GABRR2: variants seen among roughly 807,000 people sequenced by gnomAD.
GABRR2 encodes gamma-aminobutyric acid type A receptor subunit rho2, also known as gamma-aminobutyric acid receptor subunit rho-2.
Under a neutral mutation model 47.0 loss-of-function variants are expected in GABRR2, and 36 were observed. The ratio of observed to expected loss-of-function variants is 0.77; its 90% CI spans 0.59 to 1.01. The LOEUF (loss-of-function observed/expected upper bound fraction) is 1.01. Ranked by LOEUF, GABRR2 falls within the 50% of genes least tolerant of loss-of-function variation. GABRR2 has a pLI of 0.00. For missense variants in GABRR2, 587 were observed against 594.6 expected, an observed-to-expected ratio of 0.99 and a Z score of 0.13; for synonymous variants, 204 against 227.5, an observed-to-expected ratio of 0.90 and a Z score of 0.93.
At chr6:89,301,831 G>C in intron 1 of GABRR2, 1 of 1,040,636 alleles carries the variant, frequency 9.6e-7, no homozygotes, top group Non-Finnish European at 1.5e-6. Flanking sequence ...CAACTAGATC[G>C]GGGCCAAGTT....
chr6:89,268,810 C>T (rs1773974163), intron 4 of GABRR2, among the ~76,000 whole-genome samples: 1 of 152,154 alleles, frequency 6.6e-6, no homozygotes, highest in South Asian at 2.1e-4. Context: ...CTCACCCAAG[C>T]TTAAGACCCC....
chr6:89,258,206 T>C (rs1249393490), intron 8 of GABRR2, among the ~76,000 whole-genome samples: 1 of 152,200 alleles, frequency 6.6e-6, no homozygotes, highest in Non-Finnish European at 1.5e-5. Flanking sequence ...TTTAGAGCAA[T>C]TAATTTAAAA....
rs1767738943 is a variant in GABRR2 at position 89,315,054 on chromosome 6, T to C, written c.112A>G (p.Ser38Gly). Residue 38 changes from serine to glycine, a missense_variant and splice_region_variant, in exon 1 of 9, where the codon AGT becomes GGT. By Grantham distance (56) the Ser-to-Gly change is moderately conservative. Transcript: ENST00000402938. ...WTGQVEMPKPSHLYKKNLDVT... is the reference protein window; with the variant it reads ...WTGQVEMPKPGHLYKKNLDVT... ...CTCCTTTCCCACCTATGACTTTACC[T>C]TGGCTTGGGCATTTCCACCTGCCCT... The C allele has an allele frequency of 6.2e-7, 1 of 1,612,798 alleles. No homozygotes were observed. Among genetic ancestry groups the C allele is most frequent in the Non-Finnish European group, 8.5e-7 (1 of 1,179,216 alleles).
chr6:89,265,630 G>A lies in GABRR2; in HGVS notation c.872C>T (p.Pro291Leu). 6.2e-7 allele frequency: 1 copy of A among 1,613,884 alleles called. No homozygotes were observed. The highest frequency in any genetic ancestry group is 8.5e-7 in the Non-Finnish European group (1 of 1,179,922). Residue 291 changes from proline to leucine, a missense_variant, in exon 7 of 9, where the codon CCT becomes CTT. By Grantham distance (98) the Pro-to-Leu change is moderately conservative. Transcript: ENST00000402938. ...GCTTTTACCCAGTGAAACTCTGGCA[G>A]GCACAGCTCTGCGGTCGATCCAGAA... ...VSFWIDRRAV[P>L]ARVSLGITTV...
intron 1 of GABRR2, chr6:89,302,879 G>C: frequency 8.1e-7 from 1 of 1,227,290 alleles, no homozygotes; most frequent in South Asian, 1.2e-5. Context: ...GCAACAGCAC[G>C]GGCATCCAGG....
chr6:89,303,105 C>T (rs1767485526), intron 1 of GABRR2: 2 of 649,684 alleles, frequency 3.1e-6, no homozygotes, highest in South Asian at 3.0e-5. Flanking sequence ...AGGCCCAGGG[C>T]CCCAAGTGAA....
At chr6:89,285,693 C>T (rs1412610233) in intron 2 of GABRR2, among the ~76,000 whole-genome samples, 1 of 152,072 alleles carries the variant, frequency 6.6e-6, no homozygotes, top group Admixed American at 6.6e-5. Context: ...CCTGGATTAC[C>T]GACCTTGAAG....
At chr6:89,273,803 G>GT (rs1011667933) in intron 2 of GABRR2, among the ~76,000 whole-genome samples, 1 of 152,200 alleles carries the variant, frequency 6.6e-6, no homozygotes, top group African/African-American at 2.4e-5. Context: ...ATGGCCCAGA[G>GT]TGGCACTTTA....
At chr6:89,270,262 G>A (rs1212046431) in intron 3 of GABRR2, 1 of 152,296 alleles carries the variant, frequency 6.6e-6, no homozygotes, top group Non-Finnish European at 1.5e-5. Flanking sequence ...ATTGCCCAGG[G>A]GAAGTGCAGA....
chr6:89,279,358 A>T (rs1774219318), intron 2 of GABRR2, among the ~76,000 whole-genome samples: 1 of 152,006 alleles, frequency 6.6e-6, no homozygotes, highest in African/African-American at 2.4e-5. Flanking sequence ...AACTGCATAT[A>T]AAAAAAGTGT....
chr6:89,297,163 A>T (rs1774570594), intron 2 of GABRR2, among the ~76,000 whole-genome samples: 2 of 152,254 alleles, frequency 1.3e-5, no homozygotes. Flanking sequence ...ATAAAAAAAT[A>T]TCAAAAAGCA....
chr6:89,260,660 G>C (rs564822653), intron 8 of GABRR2, among the ~76,000 whole-genome samples: 1 of 152,132 alleles, frequency 6.6e-6, no homozygotes, highest in Non-Finnish European at 1.5e-5. Flanking sequence ...AATCACCTGG[G>C]AACTTGCTTA....
At chr6:89,284,178 C>T (rs1001872370) in intron 2 of GABRR2, among the ~76,000 whole-genome samples, 3 of 152,050 alleles carry the variant, frequency 2.0e-5, no homozygotes, top group Admixed American at 2.0e-4. Context: ...ACCAAGGGTA[C>T]CTTGGGAGGG....
intron 2 of GABRR2, among the ~76,000 whole-genome samples, chr6:89,294,154 C>CATT (rs1554198213): frequency 2.0e-5 from 3 of 151,734 alleles, no homozygotes; most frequent in Admixed American, 6.6e-5. Flanking sequence ...GATAATTTTT[C>CATT]GTTGTTTTTG....
chr6:89,292,346 TTATATATA>T (rs57703020), intron 2 of GABRR2, among the ~76,000 whole-genome samples: 2,243 of 13,826 alleles, frequency 0.16, 369 homozygotes, highest in East Asian at 0.26. Context: ...AAAAAAAATT[TTATATATA>T]TATATATATA....
Position 89,265,752 on chromosome 6 carries a change from A to T in GABRR2, c.750T>A (p.Arg250=). 1.2e-6 allele frequency: 2 copies of T among 1,614,050 alleles called. No homozygotes were observed. Among genetic ancestry groups the T allele is most frequent in the Non-Finnish European group, 1.7e-6 (2 of 1,179,972 alleles). ...AFYSSTGWYN[R]LYINFTLRRH... is the part of the protein sequence containing the mutation. ...GACGCAACGTGAAGTTAATGTACAG[A>T]CGGTTGTACCAGCCTAGGGGATGCA... Residue 250 remains arginine, a synonymous_variant, in exon 7 of 9, where the codon CGT becomes CGA. Transcript: ENST00000402938.
intron 2 of GABRR2, among the ~76,000 whole-genome samples, chr6:89,286,961 T>C (rs1774343529): frequency 6.6e-6 from 1 of 151,740 alleles, no homozygotes; most frequent in Non-Finnish European, 1.5e-5. Flanking sequence ...CCATCCCATT[T>C]CTCCTAAAAT....
intron 2 of GABRR2, among the ~76,000 whole-genome samples, chr6:89,291,022 C>T (rs1433911229): frequency 6.6e-6 from 1 of 152,162 alleles, no homozygotes; most frequent in African/African-American, 2.4e-5. Flanking sequence ...CTTCAATGAC[C>T]CCTTGGAGCA....
Position 89,254,822 on chromosome 6 carries a change from T to C in GABRR2, c.*2848A>G, listed in dbSNP as rs1773568808. On this transcript the variant is annotated 3_prime_UTR_variant, in exon 9 of 9. Transcript: ENST00000402938. Reference sequence around the variant, plus strand: ...CTTTTCTCAAGTAGTGTCAGACTAGTATACTGTAATAAGGCAATGCTAAAT... The same window carrying C: ...CTTTTCTCAAGTAGTGTCAGACTAGCATACTGTAATAAGGCAATGCTAAAT... Among the ~76,000 whole-genome samples, 1 of 152,200 alleles carries C rather than the reference T, an allele frequency of 6.6e-6. No homozygotes were observed. Among genetic ancestry groups the C allele is most frequent in the African/African-American group, 2.4e-5 (1 of 41,454 alleles).
Sources: gnomAD v4.1 joint callset for allele counts (sites outside exome capture counted in the v4.1 genomes callset) on GRCh38, gnomAD v4.1.1 for gene constraint, MANE v1.5 for transcripts, NCBI Gene and HGNC (gene_info 2026-07-23, HGNC 2026-07-21) for gene names.